Variants in LRRC43 observed in about 807,000 individuals in gnomAD.
LRRC43 encodes leucine-rich repeat-containing protein 43.
A neutral mutation model predicts 64.3 loss-of-function variants in LRRC43; 62 were observed. The ratio of observed to expected loss-of-function variants is 0.96; its 90% confidence interval spans 0.79 to 1.19. LRRC43 has a LOEUF of 1.19. Among genes scored for constraint, LRRC43 ranks in the 50% most tolerant of loss-of-function variants. The pLI is 0.00. For synonymous variants in LRRC43, 422 were observed against 382.3 expected, an observed-to-expected ratio of 1.10 and a Z score of -1.21; for missense variants, 868 against 845.0, an observed-to-expected ratio of 1.03 and a Z score of -0.34.
rs772910492 is a variant in LRRC43, at chr12:122,190,279, T to C, written c.812T>C (p.Ile271Thr). 7.4e-6 allele frequency: 12 copies of C among 1,614,020 alleles called. No homozygotes were observed. In the Admixed American group the frequency reaches 1.3e-4, roughly 18 times the overall value. Reference protein sequence around the residue: ...ALVPYYRGLTIDSLAQLCVLD... With the variant: ...ALVPYYRGLTTDSLAQLCVLD... ...GTGCCCTACTACCGCGGCCTCACCA[T>C]CGACAGCCTGGCCCAGCTCTGCGTG... Residue 271 changes from isoleucine to threonine, a missense_variant, in exon 5 of 12, where the codon ATC becomes ACC. Coordinates refer to ENST00000339777, the MANE Select transcript of LRRC43 (RefSeq NM_001098519.2).
intron 11 of LRRC43, among the ~76,000 whole-genome samples, chr12:122,201,656 G>A (rs1953840169): frequency 6.6e-6 from 1 of 152,230 alleles, no homozygotes; most frequent in Non-Finnish European, 1.5e-5. Context: ...TTTGCTGTAA[G>A]AGGGGCCTGG....
chr12:122,172,831 C>A, intron 1 of LRRC43: 1 of 1,007,670 alleles, frequency 9.9e-7, no homozygotes, highest in South Asian at 1.6e-5. Flanking sequence ...CTCCGTAACC[C>A]GCCTCGTTGA....
At chr12:122,172,173 A>G in intron 1 of LRRC43, 1 of 452,098 alleles carries the variant, frequency 2.2e-6, no homozygotes, top group South Asian at 2.6e-5. Flanking sequence ...GTAAGACTTA[A>G]GCCTGCAGAA....
At chr12:122,185,129 T>C (rs1283867195) in intron 2 of LRRC43, among the ~76,000 whole-genome samples, 3 of 152,088 alleles carry the variant, frequency 2.0e-5, no homozygotes, top group Non-Finnish European at 2.9e-5. Flanking sequence ...AAGGTTGGTG[T>C]AGTTCTATTT....
chr12:122,175,577 C>T (rs1321213300), intron 1 of LRRC43, among the ~76,000 whole-genome samples: 1 of 151,058 alleles, frequency 6.6e-6, no homozygotes, highest in Non-Finnish European at 1.5e-5. Context: ...CATCACAACT[C>T]ACGGCAGCCC....
intron 6 of LRRC43, 125 bp from the exon 7 acceptor site, chr12:122,192,620 G>C (rs556929082): frequency 2.8e-6 from 3 of 1,076,216 alleles, no homozygotes; most frequent in Non-Finnish European, 4.1e-6. Flanking sequence ...GCCTCCTAGC[G>C]TGGTGTGTCT....
chr12:122,190,014 A>G, intron 4 of LRRC43, 116 bp from the exon 5 acceptor site: 2 of 855,748 alleles, frequency 2.3e-6, no homozygotes, highest in Non-Finnish European at 3.9e-6. Flanking sequence ...ACAGGGGTGC[A>G]GGCCGTGGAT....
At chr12:122,168,064 C>G (rs1194223752) in intron 1 of LRRC43, among the ~76,000 whole-genome samples, 1 of 149,564 alleles carries the variant, frequency 6.7e-6, no homozygotes, top group Non-Finnish European at 1.5e-5. Flanking sequence ...ATCCACCAGC[C>G]TCAGCCTCCC....
At chr12:122,194,498 A>G (rs1448667554) in intron 7 of LRRC43, among the ~76,000 whole-genome samples, 2 of 151,468 alleles carry the variant, frequency 1.3e-5, no homozygotes, top group African/African-American at 4.9e-5. Flanking sequence ...CCCAGGAGGC[A>G]GAGGTTGCGG....
rs531649458 is a variant in LRRC43 at position 122,190,057 on chromosome 12, G to A, written c.663-73G>A. Reference sequence around the variant, plus strand: ...ATCCTTAGCCCCAGGCTCCCCGTCCGTTTTGGCCACAGGCTGCTTGCCCCC... The same window carrying A: ...ATCCTTAGCCCCAGGCTCCCCGTCCATTTTGGCCACAGGCTGCTTGCCCCC... On this transcript the variant is annotated intron_variant, in intron 4 of 11. Transcript: ENST00000339777. 1.9e-4 allele frequency: 242 copies of A among 1,261,688 alleles called. No individual in the cohort carries two copies. In the African/African-American group the frequency reaches 2.9e-3, roughly 15 times the overall value. The allele number at this position is 1,261,688 out of a possible 1,614,324, so 78.2% of individuals were successfully genotyped here. A position where few individuals can be genotyped will look rare whatever the true frequency, so the allele number is the denominator to read the frequency against.
chr12:122,185,798 A>G (rs1009162447), intron 2 of LRRC43, among the ~76,000 whole-genome samples: 1 of 152,134 alleles, frequency 6.6e-6, no homozygotes, highest in Non-Finnish European at 1.5e-5. Context: ...GGAGTCACGG[A>G]TGGGTCACTG....
At chr12:122,190,405 G>A in intron 5 of LRRC43, 37 bp downstream of exon 5, 1 of 1,544,114 alleles carries the variant, frequency 6.5e-7, no homozygotes, top group Non-Finnish European at 8.9e-7. Context: ...GGTGGCATGT[G>A]ACACCCCAGC....
upstream of LRRC43, among the ~76,000 whole-genome samples, chr12:122,179,354 C>T (rs1953562793): frequency 6.6e-6 from 1 of 152,206 alleles, no homozygotes; most frequent in Non-Finnish European, 1.5e-5. Context: ...AATCCACTCA[C>T]CTTGGCCTCC....
At chr12:122,198,042 G>A (rs1035285106) in intron 7 of LRRC43, among the ~76,000 whole-genome samples, 3 of 151,940 alleles carry the variant, frequency 2.0e-5, no homozygotes, top group African/African-American at 7.3e-5. Flanking sequence ...GTGCAGTGGT[G>A]TGCTCTCGGC....
chr12:122,191,309 C>T, intron 5 of LRRC43, 71 bp from the exon 6 acceptor site: 6 of 1,376,992 alleles, frequency 4.4e-6, no homozygotes, highest in Non-Finnish European at 5.9e-6. Context: ...CGTGCCTTCC[C>T]AGCCCTCTTG....
intron 4 of LRRC43, among the ~76,000 whole-genome samples, chr12:122,189,228 G>A (rs1353042710): frequency 6.6e-6 from 1 of 152,170 alleles, no homozygotes; most frequent in Admixed American, 6.5e-5. Flanking sequence ...CAGGACTTCA[G>A]CAGCCCAGCA....
intron 7 of LRRC43, among the ~76,000 whole-genome samples, chr12:122,194,612 G>T (rs1373671331): frequency 6.6e-6 from 1 of 151,410 alleles, no homozygotes; most frequent in Non-Finnish European, 1.5e-5. Flanking sequence ...TTACTTTCTG[G>T]TTTCATTCCC....
chr12:122,179,177 C>T (rs114180923), upstream of LRRC43, among the ~76,000 whole-genome samples: 82 of 152,260 alleles, frequency 5.4e-4, no homozygotes, highest in African/African-American at 1.9e-3. Flanking sequence ...TCACTGCAGC[C>T]TCAAACTCCC....
At chr12:122,172,576 G>A (rs765829375) in intron 1 of LRRC43, 1 of 1,614,174 alleles carries the variant, frequency 6.2e-7, no homozygotes. Context: ...AGTTTGTCGA[G>A]GTGCTCTATG....
Sources: allele counts gnomAD v4.1 joint callset (sites outside exome capture counted in the v4.1 genomes callset), GRCh38; gene constraint gnomAD v4.1.1; transcripts MANE v1.5; gene names NCBI Gene and HGNC (gene_info 2026-07-23, HGNC 2026-07-21).